TAFA4: variants seen among roughly 807,000 people sequenced by gnomAD.
The protein encoded by TAFA4 is TAFA chemokine like family member 4.
A neutral mutation model predicts 21.1 loss-of-function variants in TAFA4; 20 were observed. That is an observed-to-expected ratio of 0.95 (90% CI 0.67 to 1.38). The LOEUF (loss-of-function observed/expected upper bound fraction) is 1.38, where lower values mean the gene tolerates loss of function less well. TAFA4 is among the 40% of genes most tolerant of loss of function. The probability of loss-of-function intolerance (pLI) is 0.00; values close to 1 mark genes in which losing one functional copy is unlikely to be tolerated. For missense variants in TAFA4, 211 were observed against 180.9 expected (o/e 1.17, Z -0.95); for synonymous variants, 71 against 67.4 (o/e 1.05, Z -0.26).
intron 4 of TAFA4, among the ~76,000 whole-genome samples, chr3:68,743,689 G>T (rs1402228274): frequency 6.6e-6 from 1 of 151,800 alleles, no homozygotes; most frequent in African/African-American, 2.4e-5. Flanking sequence ...TCTACTTACT[G>T]TTCCTCTTTT....
intron 3 of TAFA4, among the ~76,000 whole-genome samples, chr3:68,812,693 G>A (rs1016509544): frequency 6.6e-6 from 1 of 152,090 alleles, no homozygotes; most frequent in Non-Finnish European, 1.5e-5. Context: ...TAGAGACCTA[G>A]AAAGAGATTT....
At chr3:68,883,263 T>C (rs762128751) in intron 2 of TAFA4, among the ~76,000 whole-genome samples, 46 of 152,230 alleles carry the variant, frequency 3.0e-4, no homozygotes, top group Non-Finnish European at 6.0e-4. Context: ...ATTCCCCGTA[T>C]TCTTGCTATT....
chr3:68,831,977 T>A lies in TAFA4; in HGVS notation c.130+48753A>T, dbSNP rs185785186. Among the ~76,000 whole-genome samples the A allele has an allele frequency of 4.3e-4, 65 of 152,326 alleles. 1 individual carries two copies. Among genetic ancestry groups the A allele is most frequent in the African/African-American group, 1.6e-3 (65 of 41,572 alleles). On this transcript the variant is annotated intron_variant, in intron 3 of 5. Coordinates refer to ENST00000295569, the MANE Select transcript of TAFA4 (RefSeq NM_182522.5). ...TCTTGTCCTTGATCAAATTGGCTAC[T>A]GAAGCTTGTGTATGCTTCACGAAGC... is the stretch of plus-strand genomic sequence containing the variant.
intron 1 of TAFA4, among the ~76,000 whole-genome samples, chr3:68,900,471 T>C (rs2089835149): frequency 6.6e-6 from 1 of 152,038 alleles, no homozygotes; most frequent in Non-Finnish European, 1.5e-5. Context: ...CACATTCTTC[T>C]GTCCTCCACT....
At chr3:68,738,947 A>G in intron 5 of TAFA4, 128 bp downstream of exon 5, 1 of 1,324,252 alleles carries the variant, frequency 7.6e-7, no homozygotes, top group South Asian at 1.6e-5. Flanking sequence ...CCAAATCCGT[A>G]AGGTAGCACT....
At chr3:68,913,931 C>T (rs1368870271) in intron 1 of TAFA4, among the ~76,000 whole-genome samples, 1 of 152,130 alleles carries the variant, frequency 6.6e-6, no homozygotes, top group Non-Finnish European at 1.5e-5. Context: ...TTAAATAGTG[C>T]TTGGCATAAA....
intron 3 of TAFA4, among the ~76,000 whole-genome samples, chr3:68,809,104 A>G (rs1171933275): frequency 6.6e-6 from 1 of 152,214 alleles, no homozygotes; most frequent in East Asian, 1.9e-4. Flanking sequence ...ATCTGTAATA[A>G]TCAAATCAAC....
intron 3 of TAFA4, among the ~76,000 whole-genome samples, chr3:68,860,953 A>G (rs1461980166): frequency 6.6e-6 from 1 of 151,800 alleles, no homozygotes; most frequent in Non-Finnish European, 1.5e-5. Flanking sequence ...GAAATCTCAC[A>G]CACAGTTTCT....
chr3:68,882,731 T>G (rs2089631983), intron 2 of TAFA4, among the ~76,000 whole-genome samples: 1 of 152,214 alleles, frequency 6.6e-6, no homozygotes, highest in Non-Finnish European at 1.5e-5. Flanking sequence ...CCAAATTATG[T>G]GATTGATAAT....
At chr3:68,893,471 A>C (rs2089753907) in intron 1 of TAFA4, among the ~76,000 whole-genome samples, 1 of 152,186 alleles carries the variant, frequency 6.6e-6, no homozygotes, top group African/African-American at 2.4e-5. Flanking sequence ...TAAATGAATA[A>C]ATGTAAGCCC....
intron 5 of TAFA4, among the ~76,000 whole-genome samples, chr3:68,733,448 G>T (rs147508586): frequency 6.6e-6 from 1 of 152,296 alleles, no homozygotes; most frequent in East Asian, 1.9e-4. Context: ...ATCAGTTCAT[G>T]CATGCTGAGC....
intron 3 of TAFA4, among the ~76,000 whole-genome samples, chr3:68,811,053 G>T (rs1703825889): frequency 6.6e-6 from 1 of 152,140 alleles, no homozygotes; most frequent in Admixed American, 6.6e-5. Context: ...CTGATACCCA[G>T]GCAAACAGGG....
At chr3:68,794,193 C>T (rs1455970019) in intron 3 of TAFA4, among the ~76,000 whole-genome samples, 1 of 152,166 alleles carries the variant, frequency 6.6e-6, no homozygotes, top group Non-Finnish European at 1.5e-5. Context: ...TAAGGAGTCA[C>T]TGTCCATGAA....
intron 5 of TAFA4, among the ~76,000 whole-genome samples, chr3:68,734,339 G>A (rs983034744): frequency 6.6e-6 from 1 of 152,084 alleles, no homozygotes; most frequent in Non-Finnish European, 1.5e-5. Context: ...CAGAGGAAGA[G>A]GTTGGATAAA....
intron 3 of TAFA4, among the ~76,000 whole-genome samples, chr3:68,835,721 G>A (rs1347528067): frequency 6.6e-6 from 1 of 152,158 alleles, no homozygotes; most frequent in Non-Finnish European, 1.5e-5. Flanking sequence ...AGGTCACTGG[G>A]GGCAAGAATG....
At chr3:68,877,588 A>AT (rs1184459155) in intron 3 of TAFA4, among the ~76,000 whole-genome samples, 2 of 152,290 alleles carry the variant, frequency 1.3e-5, no homozygotes, top group Non-Finnish European at 2.9e-5. Flanking sequence ...AGGGCTCTCA[A>AT]CACCCTTCTG....
chr3:68,898,180 A>G (rs181762405), intron 1 of TAFA4, among the ~76,000 whole-genome samples: 2 of 152,372 alleles, frequency 1.3e-5, no homozygotes, highest in East Asian at 1.9e-4. Context: ...AGTCTTGACC[A>G]GCAGTGATTC....
intron 3 of TAFA4, among the ~76,000 whole-genome samples, chr3:68,830,461 G>A (rs567748374): frequency 1.3e-5 from 2 of 152,276 alleles, no homozygotes; most frequent in Admixed American, 1.3e-4. Context: ...TAGTCATTCA[G>A]GAGCAGATTG....
At chr3:68,734,426 G>C (rs1702203863) in intron 5 of TAFA4, among the ~76,000 whole-genome samples, 1 of 151,762 alleles carries the variant, frequency 6.6e-6, no homozygotes, top group Admixed American at 6.6e-5. Flanking sequence ...AGGCAGGGAG[G>C]GTAGAGGGCC....
Sources: gnomAD v4.1 joint callset for allele counts (sites outside exome capture counted in the v4.1 genomes callset) on GRCh38, gnomAD v4.1.1 for gene constraint, MANE v1.5 for transcripts, NCBI Gene and HGNC (gene_info 2026-07-23, HGNC 2026-07-21) for gene names.